Variants in DLGAP2 observed in about 807,000 individuals in gnomAD.
DLGAP2 encodes the protein DLG associated protein 2, also known as disks large-associated protein 2.
A neutral mutation model predicts 100.3 loss-of-function variants in DLGAP2; 26 were observed. That is an observed-to-expected ratio of 0.26 (90% CI 0.19 to 0.36). DLGAP2 has a LOEUF of 0.36. Among genes scored for constraint, DLGAP2 ranks in the 10% least tolerant of loss-of-function variants. The pLI is 1.00. For missense variants in DLGAP2, 1,858 were observed against 1,453.2 expected (o/e 1.28, Z -4.53); for synonymous variants, 886 against 630.1 (o/e 1.41, Z -6.08).
chr8:1,319,907 G>A (rs572224683), intron 3 of DLGAP2, among the ~76,000 whole-genome samples: 4 of 152,314 alleles, frequency 2.6e-5, no homozygotes, highest in African/African-American at 4.8e-5. Context: ...AGACGGGGAC[G>A]ATGGGTGACC....
intron 7 of DLGAP2, among the ~76,000 whole-genome samples, chr8:1,627,968 C>T (rs112041655): frequency 1.7e-3 from 226 of 133,758 alleles, no homozygotes; most frequent in African/African-American, 6.8e-3. Flanking sequence ...CTCACATTCT[C>T]TCTGACTTAC....
intron 1 of DLGAP2, among the ~76,000 whole-genome samples, chr8:790,282 A>G (rs1821992548): frequency 6.6e-6 from 1 of 152,162 alleles, no homozygotes; most frequent in African/African-American, 2.4e-5. Flanking sequence ...AAATAATAGA[A>G]GGGTTTGCCT....
At chr8:1,379,874 T>G (rs1796051976) in intron 3 of DLGAP2, among the ~76,000 whole-genome samples, 1 of 85,232 alleles carries the variant, frequency 1.2e-5, no homozygotes, top group African/African-American at 3.6e-5. Flanking sequence ...GCCTGCTGAT[T>G]TGGGGTGCCT....
chr8:1,315,335 C>T, intron 3 of DLGAP2, among the ~76,000 whole-genome samples: 1 of 147,206 alleles, frequency 6.8e-6, no homozygotes, highest in Admixed American at 6.7e-5. Context: ...ACTCGAGAAA[C>T]TCGGCAGCGT....
rs148537823 is a variant in DLGAP2 at position 1,617,066 on chromosome 8, A to T, written c.1443-9674A>T. ...ATGTTGCTGCAAAGGACATGATCTC[A>T]TTCTTTTTTATGGCTGCATAGTATT... On this transcript the variant is annotated intron_variant, in intron 6 of 14. Coordinates refer to ENST00000637795, the MANE Select transcript of DLGAP2 (RefSeq NM_001346810.2). Among the ~76,000 whole-genome samples, 1,424 of 152,308 alleles carry T rather than the reference A, an allele frequency of 9.3e-3. 22 individuals are homozygous for T. The highest frequency in any genetic ancestry group is 0.033 in the African/African-American group (1,353 of 41,558).
chr8:1,491,050 TAAAA>T (rs1563179997), intron 3 of DLGAP2, among the ~76,000 whole-genome samples: 22 of 82,784 alleles, frequency 2.7e-4, no homozygotes, highest in African/African-American at 9.1e-4. Flanking sequence ...AAAAATAAAA[TAAAA>T]TAAATAAAAA....
intron 2 of DLGAP2, among the ~76,000 whole-genome samples, chr8:1,013,516 C>T (rs540234195): frequency 6.9e-4 from 105 of 152,062 alleles, no homozygotes; most frequent in African/African-American, 2.5e-3. Flanking sequence ...TCTGTGGGGG[C>T]GTGATGGGGG....
Position 907,894 on chromosome 8 carries a change from T to G in DLGAP2, c.19-18T>G. 1 of 398,900 alleles carries G rather than the reference T, an allele frequency of 2.5e-6. No individual in the cohort carries two copies. Among genetic ancestry groups the G allele is most frequent in the Non-Finnish European group, 4.4e-6 (1 of 226,052 alleles). 24.7% of individuals were successfully genotyped at this position (398,900 alleles called of 1,614,324 possible). A position where few individuals can be genotyped will look rare whatever the true frequency, so the allele number is the denominator to read the frequency against. ...GCGAATGATAACAAATGTATTTTAT[T>G]TATTTGTTTTAAAACAGGTTTTGCC... On this transcript the variant is annotated intron_variant, in intron 1 of 14. Coordinates refer to ENST00000637795, the MANE Select transcript of DLGAP2 (RefSeq NM_001346810.2).
At chr8:742,863 G>A (rs1820520365) in intron 1 of DLGAP2, among the ~76,000 whole-genome samples, 1 of 152,178 alleles carries the variant, frequency 6.6e-6, no homozygotes, top group East Asian at 1.9e-4. Flanking sequence ...CACTAAGAGT[G>A]GGGCCAATGC....
intron 1 of DLGAP2, among the ~76,000 whole-genome samples, chr8:893,345 C>T (rs1315179580): frequency 6.6e-6 from 1 of 152,224 alleles, no homozygotes; most frequent in African/African-American, 2.4e-5. Context: ...TGCTGGGTGC[C>T]TTTTGACCCT....
intron 2 of DLGAP2, among the ~76,000 whole-genome samples, chr8:1,201,794 C>G (rs6987817): frequency 0.38 from 58,470 of 152,106 alleles, 11,565 homozygotes; most frequent in East Asian, 0.6. Context: ...AGACACACAG[C>G]GGTGCCTCTG....
chr8:1,589,329 C>G (rs4268147), intron 6 of DLGAP2, among the ~76,000 whole-genome samples: 80,334 of 152,092 alleles, frequency 0.53, 22,008 homozygotes, highest in African/African-American at 0.68. Flanking sequence ...ATAAATTTGT[C>G]ATCAACAGCT....
At chr8:1,185,177 A>C (rs1159130352) in intron 2 of DLGAP2, among the ~76,000 whole-genome samples, 1 of 151,992 alleles carries the variant, frequency 6.6e-6, no homozygotes, top group Non-Finnish European at 1.5e-5. Context: ...AATGCTGTTC[A>C]TTTTTATTCC....
At chr8:1,571,061 G>A (rs931190176) in intron 6 of DLGAP2, among the ~76,000 whole-genome samples, 7 of 146,284 alleles carry the variant, frequency 4.8e-5, no homozygotes, top group African/African-American at 1.8e-4. Flanking sequence ...GAACTGTGGG[G>A]GCATCTGATG....
intron 3 of DLGAP2, among the ~76,000 whole-genome samples, chr8:1,285,573 T>C (rs952152198): frequency 1.3e-5 from 2 of 152,190 alleles, no homozygotes; most frequent in South Asian, 2.1e-4. Context: ...GACACACCTG[T>C]CTGTGGAAAT....
rs1173378344 is a variant in DLGAP2, at chr8:1,469,375, C to T, written c.107-31991C>T. On this transcript the variant is annotated intron_variant, in intron 3 of 14. Transcript: ENST00000637795. ...GGGCTTTATTCTGGCTCCTAGGAGC[C>T]GGCTGTTAATGCGTGGCCACCATCT... Among the ~76,000 whole-genome samples the T allele has an allele frequency of 3.4e-4, 51 of 152,212 alleles. 1 individual carries two copies. The highest frequency in any genetic ancestry group is 2.8e-3 in the Admixed American group (43 of 15,286).
At position 802,016 on chromosome 8, in the gene DLGAP2, GCACCCCTCCTGGGCCCTCCA is replaced by G. The variant is rs1796168025; in HGVS notation, c.18+64192_18+64211del. On this transcript the variant is annotated intron_variant, in intron 1 of 14. Coordinates refer to ENST00000637795, the MANE Select transcript of DLGAP2 (RefSeq NM_001346810.2). ...GTCCTCACAGCCTGAGGAACAGTCCGCACCCCTCCTGGGCCCTCCATCCTCACGGCCTGGGGAACAGTCTG... is the reference window on the plus strand; with the variant it reads ...GTCCTCACAGCCTGAGGAACAGTCCGTCCTCACGGCCTGGGGAACAGTCTG... 4.3e-5 allele frequency among the ~76,000 whole-genome samples: 6 copies of G among 138,258 alleles called. 1 individual carries two copies. The highest frequency in any genetic ancestry group is 2.2e-4 in the East Asian group (1 of 4,576). 90.7% of individuals were successfully genotyped at this position (138,258 alleles called of 152,430 possible). A position where few individuals can be genotyped will look rare whatever the true frequency, so the allele number is the denominator to read the frequency against.
At chr8:813,265 G>C (rs561679102) in intron 1 of DLGAP2, among the ~76,000 whole-genome samples, 1 of 144,576 alleles carries the variant, frequency 6.9e-6, no homozygotes, top group Non-Finnish European at 1.5e-5. Context: ...TTTTCAAAAC[G>C]AAAAAAAAAC....
intron 2 of DLGAP2, among the ~76,000 whole-genome samples, chr8:1,069,673 A>G (rs758042470): frequency 6.6e-6 from 1 of 152,122 alleles, no homozygotes; most frequent in Non-Finnish European, 1.5e-5. Flanking sequence ...TAAGCACCAT[A>G]CTTAATATGA....
Sources: allele counts gnomAD v4.1 joint callset (sites outside exome capture counted in the v4.1 genomes callset), GRCh38; gene constraint gnomAD v4.1.1; transcripts MANE v1.5; gene names NCBI Gene and HGNC (gene_info 2026-07-23, HGNC 2026-07-21).